BRAT1: variants seen among roughly 807,000 people sequenced by gnomAD.
BRAT1 encodes integrator complex assembly factor BRAT1.
In BRAT1, 74 loss-of-function variants were observed where a neutral mutation model predicts 70.6. That is an observed-to-expected ratio of 1.05 (90% CI 0.87 to 1.27). The LOEUF is 1.27. Among genes scored for constraint, BRAT1 ranks in the 50% most tolerant of loss-of-function variants. BRAT1 has a pLI of 0.00. For synonymous variants in BRAT1, 615 were observed against 517.1 expected, an observed-to-expected ratio of 1.19 and a Z score of -2.57; for missense variants, 1,203 against 1,098.2, an observed-to-expected ratio of 1.10 and a Z score of -1.35.
intron 11 of BRAT1, 67 bp downstream of exon 11, chr7:2,539,719 A>G (rs1583295519): frequency 7.7e-6 from 12 of 1,553,256 alleles, no homozygotes; most frequent in African/African-American, 6.8e-5. Context: ...GAGCCATTCC[A>G]CCCAGCCCCT....
rs755778740 is a variant in BRAT1, at chr7:2,543,487, A to G, written c.803+103T>C. On this transcript the variant is annotated intron_variant, in intron 5 of 13. Coordinates refer to ENST00000340611, the MANE Select transcript of BRAT1 (RefSeq NM_152743.4). This position sits in a 1 kb window ranked among gnomAD's most constrained non-coding sequence, Gnocchi z 5.5. Reference sequence around the variant, plus strand: ...CCCCGGTGCCGCTTCACTGCAGGCCATGTCCTCAGAGAGTCTCCGGCTGCC... The same window carrying G: ...CCCCGGTGCCGCTTCACTGCAGGCCGTGTCCTCAGAGAGTCTCCGGCTGCC... 6 of 1,481,356 alleles carry G rather than the reference A, an allele frequency of 4.1e-6. No individual in the cohort carries two copies. In the Admixed American group the frequency reaches 9.4e-5, roughly 23 times the overall value. The allele number at this position is 1,481,356 out of a possible 1,614,324, so 91.8% of individuals were successfully genotyped here.
At position 2,547,473 on chromosome 7, in the gene BRAT1, T is replaced by G; in HGVS notation, c.133A>C (p.Ser45Arg). 1 of 1,613,860 alleles carries G rather than the reference T, an allele frequency of 6.2e-7. No individual in the cohort carries two copies. Among genetic ancestry groups the G allele is most frequent in the Non-Finnish European group, 8.5e-7 (1 of 1,179,964 alleles). ...GGGTGCTCCTGCAGCAGCACGACAC[T>G]GGACTCTGTGGGGATGGCCCAGCCC... is the stretch of plus-strand genomic sequence containing the variant. The part of the protein sequence containing the change: ...WFKTVTEGES[S>R]VVLLQEHPCL... Residue 45 changes from serine (S) to arginine (R), a missense_variant, in exon 3 of 14, where the codon AGT becomes CGT. By Grantham distance (110) the Ser-to-Arg change is moderately radical (BLOSUM62 -1). Transcript: ENST00000340611.
chr7:2,541,059 C>G lies in BRAT1; in HGVS notation c.1322-7G>C, dbSNP rs759154092. The G allele has an allele frequency of 6.4e-7, 1 of 1,558,842 alleles. No homozygotes were observed. The highest frequency in any genetic ancestry group is 8.6e-7 in the Non-Finnish European group (1 of 1,162,230). ...GTCACCAGCTCCTGGGGGCCTGAGA[C>G]AGAGGTGAGTGGATAAACCACCCCC... is the stretch of plus-strand genomic sequence containing the variant. On this transcript the variant is annotated splice_polypyrimidine_tract_variant and splice_region_variant and intron_variant, in intron 9 of 13. Transcript: ENST00000340611.
intron 2 of BRAT1, among the ~76,000 whole-genome samples, chr7:2,552,072 A>C (rs1488792753): frequency 1.1e-5 from 1 of 89,082 alleles, no homozygotes; most frequent in East Asian, 2.9e-4. Context: ...AGAGAAATGC[A>C]TAGTCTTAAA....
Position 2,540,123 on chromosome 7 carries a change from GTCC to G in BRAT1, c.1396-238_1396-236del, listed in dbSNP as rs1583297239. The G allele has an allele frequency of 3.3e-5, 16 of 477,974 alleles. No homozygotes were observed. The East Asian group carries it at 5.6e-4, about 17-fold the overall frequency. The allele number at this position is 477,974 out of a possible 1,614,324, so 29.6% of individuals were successfully genotyped here. On this transcript the variant is annotated intron_variant, in intron 10 of 13. Coordinates refer to ENST00000340611, the MANE Select transcript of BRAT1 (RefSeq NM_152743.4). ...AGCCTCCACCTCCCAGGCTCAAACA[GTCC>G]TCCTGCCTCAGCCTCATGAGTAGCT...
At chr7:2,551,860 G>GT (rs1780028462) in intron 2 of BRAT1, among the ~76,000 whole-genome samples, 1 of 150,634 alleles carries the variant, frequency 6.6e-6, no homozygotes, top group Admixed American at 6.6e-5. Flanking sequence ...CATATGTTAT[G>GT]TTTTCTAACC....
At chr7:2,545,528 T>C (rs565798451) in intron 3 of BRAT1, among the ~76,000 whole-genome samples, 1 of 146,540 alleles carries the variant, frequency 6.8e-6, no homozygotes, top group Admixed American at 6.9e-5. Context: ...TCCCACTCTG[T>C]TGCCTAGGCT....
At position 2,538,041 on chromosome 7, in the gene BRAT1, G is replaced by C; in HGVS notation, c.*28C>G. ...ACATGGTGCTGCCTCCCTTGGTCCTGAGCCCCAGTGGCAGACTCTGGTTCT... is the reference window on the plus strand; with the variant it reads ...ACATGGTGCTGCCTCCCTTGGTCCTCAGCCCCAGTGGCAGACTCTGGTTCT... On this transcript the variant is annotated 3_prime_UTR_variant, in exon 14 of 14. Transcript: ENST00000340611. 6.6e-7 allele frequency: 1 copy of C among 1,522,058 alleles called. No individual in the cohort carries two copies. The highest frequency in any genetic ancestry group is 2.3e-5 in the East Asian group (1 of 43,746). The allele number at this position is 1,522,058 out of a possible 1,614,324, so 94.3% of individuals were successfully genotyped here. A position where few individuals can be genotyped will look rare whatever the true frequency, so the allele number is the denominator to read the frequency against.
chr7:2,540,715 C>A, intron 10 of BRAT1: 1 of 405,352 alleles, frequency 2.5e-6, no homozygotes, highest in Non-Finnish European at 4.3e-6. Context: ...TTCCCTTGTC[C>A]AGAATTCCCC....
At position 2,538,557 on chromosome 7, in the gene BRAT1, C is replaced by T. The variant is rs546426836; in HGVS notation, c.1978G>A (p.Val660Met). Residue 660 changes from valine (V) to methionine (M), a missense_variant, in exon 14 of 14, where the codon GTG becomes ATG. Physicochemically the swap from Val to Met is conservative, Grantham distance 21 (BLOSUM62 1). Coordinates refer to ENST00000340611, the MANE Select transcript of BRAT1 (RefSeq NM_152743.4). The stretch of plus-strand genomic sequence containing the variant: ...GGCCCCAAAGTCTGGCCCAGGAACA[C>T]GAGGGCCAGCTCCAGGCCCTGGGCG... ...VRAQGLELAL[V>M]FLGQTLGPPR... 1.0e-5 allele frequency: 16 copies of T among 1,600,482 alleles called. No individual in the cohort carries two copies. Among genetic ancestry groups the T allele is most frequent in the Admixed American group, 3.4e-5 (2 of 59,616 alleles).
chr7:2,542,955 G>A, intron 6 of BRAT1: 1 of 343,276 alleles, frequency 2.9e-6, no homozygotes, highest in South Asian at 4.9e-5. Flanking sequence ...GCTCTGAGCA[G>A]AGCAGCTCCC....
intron 4 of BRAT1, 79 bp from the exon 5 acceptor site, chr7:2,544,041 GATACAAATA>G: frequency 1.1e-6 from 1 of 947,974 alleles, no homozygotes; most frequent in Non-Finnish European, 1.4e-6. Context: ...CCTCAGGGAA[GATACAAATA>G]GCAGAGGGCC....
rs571574197 is a variant in BRAT1, at chr7:2,544,364, G to A, written c.431-402C>T. On this transcript the variant is annotated intron_variant, in intron 4 of 13. Coordinates refer to ENST00000340611, the MANE Select transcript of BRAT1 (RefSeq NM_152743.4). Reference sequence around the variant, plus strand: ...ATTACAGGCACCCGCCATCATGCCCGGCTAATTTTTGTATTCTCGTAGAGA... The same window carrying A: ...ATTACAGGCACCCGCCATCATGCCCAGCTAATTTTTGTATTCTCGTAGAGA... 682 of 175,012 alleles carry A rather than the reference G, an allele frequency of 3.9e-3. 5 individuals are homozygous for A. Among genetic ancestry groups the A allele is most frequent in the African/African-American group, 0.015 (640 of 42,242 alleles). The allele number at this position is 175,012 out of a possible 1,614,324, so 10.8% of individuals were successfully genotyped here.
rs1779096542 is a variant in BRAT1 at position 2,540,898 on chromosome 7, C to CACGGG, written c.1395+76_1395+80dup. 41 of 1,350,950 alleles carry CACGGG rather than the reference C, an allele frequency of 3.0e-5. 1 individual carries two copies. The South Asian group carries it at 6.8e-4, about 22-fold the overall frequency. 83.7% of individuals were successfully genotyped at this position (1,350,950 alleles called of 1,614,324 possible). A position where few individuals can be genotyped will look rare whatever the true frequency, so the allele number is the denominator to read the frequency against. On this transcript the variant is annotated intron_variant, in intron 10 of 13. Transcript: ENST00000340611. ...TGAAGGCCCCATCCGCAGAGGCCTGCACGGGACGGGGTGGAGTCAGGGGTG... is the reference window on the plus strand; with the variant it reads ...TGAAGGCCCCATCCGCAGAGGCCTGCACGGGACGGGACGGGGTGGAGTCAGGGGTG...
In BRAT1 at chr7:2,541,071, G is replaced by C. The variant is rs757670513; in HGVS notation, c.1322-19C>G. ...TGGGGGCCTGAGACAGAGGTGAGTG[G>C]ATAAACCACCCCCACCCCCACCCTA... On this transcript the variant is annotated intron_variant, in intron 9 of 13. Transcript: ENST00000340611. 29 of 1,545,660 alleles carry C rather than the reference G, an allele frequency of 1.9e-5. No homozygotes were observed. Among genetic ancestry groups the C allele is most frequent in the Non-Finnish European group, 2.4e-5 (28 of 1,155,284 alleles).
At chr7:2,553,688 G>A (rs1460331711) in intron 2 of BRAT1, among the ~76,000 whole-genome samples, 3 of 151,168 alleles carry the variant, frequency 2.0e-5, no homozygotes, top group Non-Finnish European at 4.4e-5. Context: ...CTATCACCCA[G>A]GTCAGGGTGC....
At chr7:2,549,255 T>C (rs1583328719) in intron 2 of BRAT1, among the ~76,000 whole-genome samples, 1 of 151,988 alleles carries the variant, frequency 6.6e-6, no homozygotes, top group South Asian at 2.1e-4. Context: ...GAGGCCGAGG[T>C]GGGCAGATTG....
intron 2 of BRAT1, among the ~76,000 whole-genome samples, chr7:2,552,106 A>ATATATATATATATATATATATTT: frequency 7.0e-5 from 1 of 14,218 alleles, no homozygotes; most frequent in African/African-American, 2.3e-4. Flanking sequence ...ATATATATAT[A>ATATATATATATATATATATATTT]TTTTTTTTTT....
In BRAT1 at chr7:2,543,656, C is replaced by G. The variant is rs778404475; in HGVS notation, c.737G>C (p.Cys246Ser). Residue 246 changes from cysteine to serine, a missense_variant, in exon 5 of 14, where the codon TGT becomes TCT. Transcript: ENST00000340611. This position sits in a 1 kb window ranked among gnomAD's most constrained non-coding sequence, Gnocchi z 5.5. ...GGGGATGGGGTCTCTCTCCAGCAGACAGGCCACGCGGGGACTCAGCCGCAC... is the reference window on the plus strand; with the variant it reads ...GGGGATGGGGTCTCTCTCCAGCAGAGAGGCCACGCGGGGACTCAGCCGCAC... ...LWVRLSPRVA[C>S]LLERDPIPAA... is the part of the protein sequence containing the mutation. 5.2e-6 allele frequency: 8 copies of G among 1,552,588 alleles called. No individual in the cohort carries two copies. The highest frequency in any genetic ancestry group is 6.1e-6 in the Non-Finnish European group (7 of 1,144,184).
Sources: allele counts gnomAD v4.1 joint callset (sites outside exome capture counted in the v4.1 genomes callset), GRCh38; gene constraint gnomAD v4.1.1; non-coding constraint Gnocchi (gnomAD v3.1); transcripts MANE v1.5; gene names NCBI Gene and HGNC (gene_info 2026-07-23, HGNC 2026-07-21).